Variants in USO1 observed in about 807,000 individuals in gnomAD.
USO1 encodes USO1 vesicle transport factor, also known as general vesicular transport factor p115.
A neutral mutation model predicts 124.5 loss-of-function variants in USO1; 57 were observed. The ratio of observed to expected loss-of-function variants is 0.46; its 90% confidence interval spans 0.37 to 0.57. The LOEUF is 0.57. USO1 is among the 20% of genes least tolerant of loss of function. USO1 has a pLI of 0.00. For synonymous variants in USO1, 369 were observed against 362.8 expected, an observed-to-expected ratio of 1.02 and a Z score of -0.19; for missense variants, 900 against 1,040.6, an observed-to-expected ratio of 0.86 and a Z score of 1.86.
intron 1 of USO1, among the ~76,000 whole-genome samples, chr4:75,728,831 C>A (rs1157181005): frequency 6.6e-6 from 1 of 152,124 alleles, no homozygotes; most frequent in Admixed American, 6.5e-5. Flanking sequence ...CAGAGTCTCG[C>A]TCTGTGGCCC....
chr4:75,770,929 G>A lies in USO1; in HGVS notation c.499+5G>A. On this transcript the variant is annotated splice_donor_5th_base_variant and intron_variant, in intron 6 of 23. Coordinates refer to ENST00000514213, the MANE Select transcript of USO1 (RefSeq NM_003715.4). ...TTATTTTAGTCAGTCCTATGGGTAAGTGACTTATCTTTTTTATATTATTTT... is the reference window on the plus strand; with the variant it reads ...TTATTTTAGTCAGTCCTATGGGTAAATGACTTATCTTTTTTATATTATTTT... 2 of 1,604,088 alleles carry A rather than the reference G, an allele frequency of 1.2e-6. No homozygotes were observed. The highest frequency in any genetic ancestry group is 1.7e-6 in the Non-Finnish European group (2 of 1,177,614).
chr4:75,795,677 T>C (rs570997041), intron 13 of USO1, among the ~76,000 whole-genome samples: 1 of 152,298 alleles, frequency 6.6e-6, no homozygotes, highest in East Asian at 1.9e-4. Context: ...ATTTATTTCC[T>C]CTGAAGCCAT....
intron 4 of USO1, among the ~76,000 whole-genome samples, chr4:75,759,767 G>A (rs1403657800): frequency 6.6e-6 from 1 of 151,822 alleles, no homozygotes; most frequent in African/African-American, 2.4e-5. Flanking sequence ...AAATTAGCCA[G>A]CCATGGTGTT....
At chr4:75,757,148 C>A (rs545923901) in intron 3 of USO1, among the ~76,000 whole-genome samples, 1 of 151,988 alleles carries the variant, frequency 6.6e-6, no homozygotes, top group African/African-American at 2.4e-5. Context: ...TTTCCACTTG[C>A]TATTATATCA....
At chr4:75,793,658 AT>A (rs1157549800) in intron 12 of USO1, 31 bp from the exon 13 acceptor site, 16 of 1,562,274 alleles carry the variant, frequency 1.0e-5, no homozygotes, top group Non-Finnish European at 1.3e-5. Context: ...AAAATCTAAT[AT>A]ATTTTTATTG....
chr4:75,786,833 C>A (rs1231528687), intron 9 of USO1, among the ~76,000 whole-genome samples: 1 of 152,162 alleles, frequency 6.6e-6, no homozygotes, highest in Non-Finnish European at 1.5e-5. Context: ...CAGTTTCTCT[C>A]TGGGAGTTCA....
chr4:75,756,587 ACCTCTGCC>A (rs1206695979), intron 3 of USO1, among the ~76,000 whole-genome samples: 95 of 150,402 alleles, frequency 6.3e-4, no homozygotes, highest in African/African-American at 2.2e-3. Flanking sequence ...GCTCACTGCA[ACCTCTGCC>A]TCCCAGGTTC....
intron 8 of USO1, 104 bp from the exon 9 acceptor site, chr4:75,782,576 T>G: frequency 4.3e-6 from 6 of 1,409,944 alleles, no homozygotes; most frequent in Non-Finnish European, 5.6e-6. Flanking sequence ...CCTGGCCATA[T>G]TGAAGAGATG....
intron 7 of USO1, among the ~76,000 whole-genome samples, chr4:75,771,699 C>G (rs1402177899): frequency 6.6e-6 from 1 of 152,112 alleles, no homozygotes; most frequent in African/African-American, 2.4e-5. Context: ...AAGGATTTGC[C>G]TTGTTAATCA....
chr4:75,727,309 A>T (rs1720492653), intron 1 of USO1, among the ~76,000 whole-genome samples: 1 of 152,238 alleles, frequency 6.6e-6, no homozygotes, highest in Non-Finnish European at 1.5e-5. Flanking sequence ...TCACAATTTC[A>T]AAGTGAAACT....
chr4:75,801,382 A>T (rs1272689751), intron 17 of USO1, among the ~76,000 whole-genome samples, 182 bp downstream of exon 17: 1 of 152,222 alleles, frequency 6.6e-6, no homozygotes, highest in African/African-American at 2.4e-5. Flanking sequence ...CATGCAGCTG[A>T]TTTATTAGAT....
intron 1 of USO1, among the ~76,000 whole-genome samples, chr4:75,733,779 C>T (rs1289481211): frequency 2.0e-5 from 3 of 152,072 alleles, no homozygotes; most frequent in Admixed American, 6.6e-5. Context: ...TTTGTTTACT[C>T]TGTTGATAGT....
chr4:75,789,807 A>G (rs148880891), intron 10 of USO1, among the ~76,000 whole-genome samples: 1 of 151,772 alleles, frequency 6.6e-6, no homozygotes, highest in Non-Finnish European at 1.5e-5. Flanking sequence ...ATTTTATCTC[A>G]TAGAGAATAG....
intron 14 of USO1, 98 bp downstream of exon 14, chr4:75,799,830 T>A (rs1431841862): frequency 7.3e-7 from 1 of 1,376,672 alleles, no homozygotes; most frequent in Admixed American, 2.4e-5. Context: ...ATATTTGAAT[T>A]CTCCACTATC....
intron 10 of USO1, among the ~76,000 whole-genome samples, chr4:75,789,625 T>C (rs761384783): frequency 2.7e-4 from 41 of 152,218 alleles, no homozygotes; most frequent in Non-Finnish European, 4.6e-4. Flanking sequence ...CTGGGTAATT[T>C]GTCTTTTTAA....
chr4:75,746,953 C>G (rs539052990), intron 1 of USO1, among the ~76,000 whole-genome samples: 3 of 152,066 alleles, frequency 2.0e-5, no homozygotes, highest in Non-Finnish European at 4.4e-5. Context: ...AAGAAAAATA[C>G]AAAGAAGTCA....
At position 75,806,592 on chromosome 4, in the gene USO1, CA is replaced by C. The variant is rs1258613945; in HGVS notation, c.2376+22del. The C allele has an allele frequency of 2.4e-5, 37 of 1,549,054 alleles. No homozygotes were observed. The highest frequency in any genetic ancestry group is 3.1e-5 in the Non-Finnish European group (36 of 1,146,250). On this transcript the variant is annotated intron_variant, in intron 20 of 23. Transcript: ENST00000514213. ...AAACAGGTAATTTTCCACTTTGATC[CA>C]ATTCTACTTTGTCATGTTTTAATTA... is the stretch of plus-strand genomic sequence containing the variant.
intron 8 of USO1, among the ~76,000 whole-genome samples, chr4:75,778,416 G>A (rs1418054536): frequency 1.3e-5 from 2 of 152,188 alleles, no homozygotes; most frequent in Non-Finnish European, 2.9e-5. Context: ...TCTTCATGTT[G>A]AGTAGGCTGA....
At chr4:75,806,425 T>G (rs1324131797) in intron 19 of USO1, 61 bp from the exon 20 acceptor site, 3 of 1,419,334 alleles carry the variant, frequency 2.1e-6, no homozygotes, top group African/African-American at 2.1e-5. Flanking sequence ...ACAGTTCTGT[T>G]TTTTTTTCTC....
Sources: allele counts gnomAD v4.1 joint callset (sites outside exome capture counted in the v4.1 genomes callset), GRCh38; gene constraint gnomAD v4.1.1; transcripts MANE v1.5; gene names NCBI Gene and HGNC (gene_info 2026-07-23, HGNC 2026-07-21).